The following PCDH15 variants were observed in gnomAD, a reference collection of about 807,000 sequenced individuals.
The protein encoded by PCDH15 is protocadherin-15.
A neutral mutation model predicts 178.5 loss-of-function variants in PCDH15; 129 were observed. The ratio of observed to expected loss-of-function variants is 0.72; its 90% CI spans 0.63 to 0.84. The LOEUF is 0.84. Among genes scored for constraint, PCDH15 ranks in the 40% least tolerant of loss-of-function variants. PCDH15 has a pLI of 0.00. For synonymous variants in PCDH15, 800 were observed against 732.0 expected, an observed-to-expected ratio of 1.09 and a Z score of -1.50; for missense variants, 2,230 against 2,099.9, an observed-to-expected ratio of 1.06 and a Z score of -1.21.
intron 1 of PCDH15, among the ~76,000 whole-genome samples, chr10:55,222,484 A>G (rs1315054280): frequency 2.6e-5 from 4 of 151,772 alleles, no homozygotes; most frequent in Non-Finnish European, 5.9e-5. Flanking sequence ...CAGGATTATG[A>G]TATGTCTGTC....
intron 2 of PCDH15, among the ~76,000 whole-genome samples, chr10:54,978,226 C>A (rs1439708816): frequency 6.6e-6 from 1 of 152,072 alleles, no homozygotes; most frequent in Non-Finnish European, 1.5e-5. Flanking sequence ...AAGTTTAGCA[C>A]TAACCTCAAT....
At chr10:53,914,824 A>G (rs1400034090) in intron 25 of PCDH15, among the ~76,000 whole-genome samples, 2 of 152,202 alleles carry the variant, frequency 1.3e-5, no homozygotes, top group African/African-American at 4.8e-5. Flanking sequence ...CAAACAACAG[A>G]TTTCTCTAAA....
chr10:54,828,745 T>C (rs979549323), intron 3 of PCDH15, among the ~76,000 whole-genome samples: 1 of 152,014 alleles, frequency 6.6e-6, no homozygotes, highest in Non-Finnish European at 1.5e-5. Context: ...CATATTCAAA[T>C]TTGCATTCTA....
chr10:54,174,646 A>G (rs1319378838), intron 13 of PCDH15, among the ~76,000 whole-genome samples: 1 of 151,328 alleles, frequency 6.6e-6, no homozygotes, highest in Non-Finnish European at 1.5e-5. Context: ...ACTTTTTCCA[A>G]TCAAATGGAA....
intron 20 of PCDH15, among the ~76,000 whole-genome samples, chr10:54,018,643 C>G (rs1014192998): frequency 6.6e-6 from 1 of 152,044 alleles, no homozygotes; most frequent in South Asian, 2.1e-4. Flanking sequence ...TCCCACTCAG[C>G]TCTTACACAT....
intron 1 of PCDH15, among the ~76,000 whole-genome samples, chr10:55,288,507 T>C (rs1484616672): frequency 1.3e-5 from 2 of 151,884 alleles, no homozygotes; most frequent in African/African-American, 4.8e-5. Flanking sequence ...ACAGAAACCC[T>C]GTATCTTTTA....
At chr10:54,776,391 G>A (rs998017751) in intron 1 of PCDH15, among the ~76,000 whole-genome samples, 1 of 151,706 alleles carries the variant, frequency 6.6e-6, no homozygotes, top group African/African-American at 2.4e-5. Flanking sequence ...GGATCTAGAA[G>A]CACTGTTTAT....
In PCDH15 at chr10:53,804,786, C is replaced by A. The variant is rs1471964837; in HGVS notation, c.*1793G>T. On this transcript the variant is annotated 3_prime_UTR_variant, in exon 38 of 38. Coordinates refer to ENST00000644397, the MANE Select transcript of PCDH15 (RefSeq NM_001384140.1). ...TGCTTTGGTGCCTGAAGGAATAAGC[C>A]CCGGACTTCATTGCTTCCAAAATTT... is the stretch of plus-strand genomic sequence containing the variant. The A allele has an allele frequency of 1.3e-5, 2 of 151,812 alleles. No homozygotes were observed. The highest frequency in any genetic ancestry group is 2.9e-5 in the Non-Finnish European group (2 of 67,882). 9.4% of individuals were successfully genotyped at this position (151,812 alleles called of 1,614,324 possible).
chr10:55,428,791 AT>A (rs2132054288), intron 2 of PCDH15, among the ~76,000 whole-genome samples: 1 of 151,892 alleles, frequency 6.6e-6, no homozygotes, highest in South Asian at 2.1e-4. Context: ...TGTTTTATAC[AT>A]TTTGTGCACT....
At chr10:55,295,931 C>A (rs1474678966) in intron 1 of PCDH15, among the ~76,000 whole-genome samples, 1 of 151,920 alleles carries the variant, frequency 6.6e-6, no homozygotes, top group Non-Finnish European at 1.5e-5. Context: ...ACACTTCAGA[C>A]ACTAATCACA....
chr10:54,551,092 T>C (rs1158872746), intron 2 of PCDH15, among the ~76,000 whole-genome samples: 1 of 136,250 alleles, frequency 7.3e-6, no homozygotes, highest in Non-Finnish European at 1.5e-5. Context: ...GAGGCAGAGG[T>C]TGCAGTGAGC....
intron 26 of PCDH15, among the ~76,000 whole-genome samples, chr10:53,876,581 G>A (rs1016642175): frequency 6.6e-6 from 1 of 151,348 alleles, no homozygotes; most frequent in Non-Finnish European, 1.5e-5. Context: ...TAAGAAAAAT[G>A]TCAGGTAGAT....
intron 5 of PCDH15, among the ~76,000 whole-genome samples, chr10:54,356,432 G>T (rs1004303363): frequency 5.3e-5 from 8 of 151,794 alleles, no homozygotes; most frequent in African/African-American, 1.9e-4. Context: ...AAGGGCTGAA[G>T]AAGTTTCATA....
chr10:53,928,273 T>C (rs557582362), intron 25 of PCDH15, among the ~76,000 whole-genome samples: 108 of 152,144 alleles, frequency 7.1e-4, no homozygotes, highest in Non-Finnish European at 1.1e-3. Flanking sequence ...TTTTTCTTCT[T>C]TCGATAGTCA....
At chr10:53,894,604 C>G (rs759710090) in intron 26 of PCDH15, among the ~76,000 whole-genome samples, 10 of 152,172 alleles carry the variant, frequency 6.6e-5, no homozygotes, top group Non-Finnish European at 1.5e-5. Flanking sequence ...TTTCAAGTAA[C>G]ATAAACCACA....
chr10:54,354,901 GA>G (rs1944726414), intron 5 of PCDH15, among the ~76,000 whole-genome samples: 2 of 151,802 alleles, frequency 1.3e-5, no homozygotes, highest in Admixed American at 1.3e-4. Context: ...AAATGTAAAA[GA>G]ATAGCATAAA....
chr10:54,192,154 A>AAGAAAAAAAAAGAAAG (rs1554832302), intron 11 of PCDH15, among the ~76,000 whole-genome samples: 1 of 132,566 alleles, frequency 7.5e-6, no homozygotes, highest in Non-Finnish European at 1.6e-5. Flanking sequence ...GAAAGAAAGA[A>AAGAAAAAAAAAGAAAG]AAAGAAAGAA....
chr10:54,829,024 C>G (rs192981024), intron 3 of PCDH15, among the ~76,000 whole-genome samples: 60 of 151,974 alleles, frequency 3.9e-4, no homozygotes, highest in Admixed American at 1.8e-3. Flanking sequence ...TGCTGGAAAA[C>G]AGAGTATTAA....
chr10:54,818,205 T>C (rs2133737219), intron 3 of PCDH15, among the ~76,000 whole-genome samples: 1 of 152,124 alleles, frequency 6.6e-6, no homozygotes, highest in Middle Eastern at 3.4e-3. Context: ...CAAGTGTTCA[T>C]TTAGATTTAA....
Sources: gnomAD v4.1 joint callset for allele counts (sites outside exome capture counted in the v4.1 genomes callset) on GRCh38, gnomAD v4.1.1 for gene constraint, MANE v1.5 for transcripts, NCBI Gene and HGNC (gene_info 2026-07-23, HGNC 2026-07-21) for gene names.